Variants in VWA3B observed in about 807,000 individuals in gnomAD.
VWA3B encodes the protein von Willebrand factor A domain containing 3B.
In VWA3B, 138 loss-of-function variants were observed where a neutral mutation model predicts 158.3. The observed-to-expected ratio is 0.87, with a 90% confidence interval of 0.76 to 1.00. VWA3B has a LOEUF of 1.00. Among genes scored for constraint, VWA3B ranks in the 50% least tolerant of loss-of-function variants. The pLI, the probability that VWA3B is intolerant of heterozygous loss-of-function variation, is 0.00. For missense variants in VWA3B, 1,555 were observed against 1,565.1 expected (o/e 0.99, Z 0.11); for synonymous variants, 596 against 587.3 (o/e 1.01, Z -0.21).
chr2:98,286,115 C>T (rs1414009295), intron 22 of VWA3B, among the ~76,000 whole-genome samples: 1 of 151,968 alleles, frequency 6.6e-6, no homozygotes, highest in Non-Finnish European at 1.5e-5. Flanking sequence ...TTTTTCAGTA[C>T]ACTTATCTTG....
intron 7 of VWA3B, among the ~76,000 whole-genome samples, chr2:98,138,816 T>A (rs919518560): frequency 9.9e-5 from 15 of 152,202 alleles, no homozygotes; most frequent in Admixed American, 9.8e-4. Flanking sequence ...CTTCCAGGGA[T>A]GACTGTGAGA....
At chr2:98,129,241 G>GTA (rs1302421198) in intron 6 of VWA3B, among the ~76,000 whole-genome samples, 1 of 150,746 alleles carries the variant, frequency 6.6e-6, no homozygotes, top group Non-Finnish European at 1.5e-5. Context: ...GTGTGTGTGT[G>GTA]TGTGTGTGTG....
At chr2:98,200,542 CA>C (rs35030422) in intron 12 of VWA3B, among the ~76,000 whole-genome samples, 6,115 of 93,700 alleles carry the variant, frequency 0.065, 292 homozygotes, top group African/African-American at 0.21. Context: ...GACTCCATCT[CA>C]AAAAAAAAAA....
At chr2:98,240,510 T>C (rs756994260) in intron 19 of VWA3B, among the ~76,000 whole-genome samples, 2 of 152,324 alleles carry the variant, frequency 1.3e-5, no homozygotes, top group Non-Finnish European at 2.9e-5. Context: ...TTTTAAATTT[T>C]GATAATTCAA....
intron 12 of VWA3B, among the ~76,000 whole-genome samples, chr2:98,199,094 A>AC (rs1203118608): frequency 6.6e-6 from 1 of 151,942 alleles, no homozygotes; most frequent in African/African-American, 2.4e-5. Context: ...CTCAAAAAAA[A>AC]AAAAAAATTG....
Position 98,312,979 on chromosome 2 carries a change from C to T in VWA3B, c.*630C>T, listed in dbSNP as rs1409773396. On this transcript the variant is annotated 3_prime_UTR_variant, in exon 28 of 28. Coordinates refer to ENST00000477737, the MANE Select transcript of VWA3B (RefSeq NM_144992.5). Reference sequence around the variant, plus strand: ...TGTTGGATTATTTGTTACCATTTTTCTCTGAACACATTTTAGCAATGACAT... The same window carrying T: ...TGTTGGATTATTTGTTACCATTTTTTTCTGAACACATTTTAGCAATGACAT... The T allele has an allele frequency of 1.3e-5, 2 of 152,202 alleles. No homozygotes were observed. Among genetic ancestry groups the T allele is most frequent in the African/African-American group, 4.8e-5 (2 of 41,450 alleles). The allele number at this position is 152,202 out of a possible 1,614,324, so 9.4% of individuals were successfully genotyped here.
At chr2:98,248,867 C>CT (rs368684828) in intron 19 of VWA3B, among the ~76,000 whole-genome samples, 16 of 75,096 alleles carry the variant, frequency 2.1e-4, no homozygotes, top group African/African-American at 8.9e-4. Flanking sequence ...TTCTTTCTTT[C>CT]TTTCTTTCTT....
At position 98,093,127 on chromosome 2, in the gene VWA3B, A is replaced by T; in HGVS notation, c.35A>T (p.Glu12Val). 6.2e-7 allele frequency: 1 copy of T among 1,614,012 alleles called. No homozygotes were observed. The highest frequency in any genetic ancestry group is 8.5e-7 in the Non-Finnish European group (1 of 1,179,974). Residue 12 changes from glutamate to valine, a missense_variant, in exon 2 of 28, where the codon GAG (glutamate) becomes GTG (valine). Glu to Val is a moderately radical substitution (Grantham distance 121). Transcript: ENST00000477737. ...TCAGGCCCATCTTCTACCATCTCTGAGCAGCAGCTGCAGAGGCAAGAGGGA... is the reference window on the plus strand; with the variant it reads ...TCAGGCCCATCTTCTACCATCTCTGTGCAGCAGCTGCAGAGGCAAGAGGGA... ...EKSGPSSTIS[E>V]QQLQRQEGWI...
intron 9 of VWA3B, among the ~76,000 whole-genome samples, chr2:98,182,284 C>T (rs1489918522): frequency 1.3e-5 from 2 of 152,212 alleles, no homozygotes; most frequent in Non-Finnish European, 2.9e-5. Context: ...GGGGGAACTC[C>T]AGTCCTGTTG....
intron 12 of VWA3B, among the ~76,000 whole-genome samples, chr2:98,204,290 C>G (rs985402127): frequency 6.6e-6 from 1 of 152,084 alleles, no homozygotes; most frequent in African/African-American, 2.4e-5. Context: ...ACTTCCAGTA[C>G]TACATTGAAT....
intron 22 of VWA3B, among the ~76,000 whole-genome samples, chr2:98,271,221 C>T (rs879880287): frequency 6.6e-6 from 1 of 152,124 alleles, no homozygotes; most frequent in Non-Finnish European, 1.5e-5. Flanking sequence ...ATTTTGGTTA[C>T]TCAGTCTCTT....
chr2:98,101,993 TG>T (rs1683109816), intron 2 of VWA3B, among the ~76,000 whole-genome samples: 1 of 152,206 alleles, frequency 6.6e-6, no homozygotes, highest in South Asian at 2.1e-4. Flanking sequence ...CAAAGGTCTC[TG>T]GTTTTCCTAG....
chr2:98,323,639 T>C, the VWA3B span, among the ~76,000 whole-genome samples: 2 of 152,146 alleles, frequency 1.3e-5, no homozygotes, highest in Admixed American at 6.5e-5. Context: ...ACACACATCA[T>C]AGTCAGACTG....
chr2:98,171,112 A>C (rs550734450), intron 8 of VWA3B, among the ~76,000 whole-genome samples: 16 of 152,378 alleles, frequency 1.1e-4, no homozygotes, highest in African/African-American at 3.8e-4. Flanking sequence ...TGATGGCTTA[A>C]GAAAAGTTTA....
chr2:98,264,069 T>A (rs144843784), intron 21 of VWA3B, among the ~76,000 whole-genome samples: 23 of 152,128 alleles, frequency 1.5e-4, no homozygotes, highest in African/African-American at 5.3e-4. Context: ...TTCTGTGTCA[T>A]CAGTTGTAAT....
rs1383208729 is a variant in VWA3B at position 98,087,348 on chromosome 2, C to T, written c.-48C>T. ...TGAGCGGGAGCCGCCACGTCTTCCA[C>T]CCGACATATTGCCTAGTAAGTGTGG... On this transcript the variant is annotated 5_prime_UTR_variant, in exon 1 of 28. Transcript: ENST00000477737. 2 of 152,276 alleles carry T rather than the reference C, an allele frequency of 1.3e-5. No homozygotes were observed. Among genetic ancestry groups the T allele is most frequent in the Non-Finnish European group, 2.9e-5 (2 of 68,082 alleles). The allele number at this position is 152,276 out of a possible 1,614,324, so 9.4% of individuals were successfully genotyped here. A position where few individuals can be genotyped will look rare whatever the true frequency, so the allele number is the denominator to read the frequency against.
chr2:98,230,011 T>A, intron 15 of VWA3B, 39 bp from the exon 16 acceptor site: 1 of 1,533,018 alleles, frequency 6.5e-7, no homozygotes, highest in Non-Finnish European at 8.7e-7. Context: ...TTCTTTTCTC[T>A]CTCTTTTTTT....
chr2:98,308,292 C>T (rs373767360), intron 26 of VWA3B, among the ~76,000 whole-genome samples: 1 of 152,132 alleles, frequency 6.6e-6, no homozygotes, highest in African/African-American at 2.4e-5. Flanking sequence ...GGCTGAGAGG[C>T]GTGTCTTTCA....
At chr2:98,287,848 T>G (rs1018277414) in intron 22 of VWA3B, among the ~76,000 whole-genome samples, 3 of 152,232 alleles carry the variant, frequency 2.0e-5, no homozygotes, top group Admixed American at 6.5e-5. Flanking sequence ...TTCTTCCAAT[T>G]GGATACATTC....
Sources: gnomAD v4.1 joint callset for allele counts (sites outside exome capture counted in the v4.1 genomes callset) on GRCh38, gnomAD v4.1.1 for gene constraint, MANE v1.5 for transcripts, NCBI Gene and HGNC (gene_info 2026-07-23, HGNC 2026-07-21) for gene names.